The following TXLNB variants were observed in gnomAD, a reference collection of about 807,000 sequenced individuals.
TXLNB encodes beta-taxilin.
Under a neutral mutation model 57.4 loss-of-function variants are expected in TXLNB, and 37 were observed. The ratio of observed to expected loss-of-function variants is 0.64; its 90% CI spans 0.50 to 0.85. The LOEUF is 0.85. TXLNB is among the 40% of genes least tolerant of loss of function. The pLI is 0.00. For missense variants in TXLNB, 848 were observed against 825.6 expected, an observed-to-expected ratio of 1.03 and a Z score of -0.33; for synonymous variants, 302 against 309.6, an observed-to-expected ratio of 0.98 and a Z score of 0.26.
At chr6:139,221,605 G>T in the TXLNB span, among the ~76,000 whole-genome samples, 1 of 152,020 alleles carries the variant, frequency 6.6e-6, no homozygotes, top group African/African-American at 2.4e-5. Context: ...ATGATCGGAC[G>T]TGGAGTTTAA....
At chr6:139,177,197 T>G in the TXLNB span, 2 of 655,364 alleles carry the variant, frequency 3.1e-6, no homozygotes, top group Admixed American at 2.7e-5. The surrounding 1 kb of genome is among the most constrained non-coding windows in gnomAD (Gnocchi z 4.9). Context: ...ATTAATTTCC[T>G]TTCTAATTTA....
the TXLNB span, among the ~76,000 whole-genome samples, chr6:139,188,638 A>G: frequency 6.6e-6 from 1 of 152,190 alleles, no homozygotes; most frequent in Non-Finnish European, 1.5e-5. Flanking sequence ...AACGTCTCTC[A>G]TTTACATTTT....
chr6:139,244,613 C>T lies in TXLNB; in HGVS notation c.1248G>A (p.Leu416=). The part of the protein sequence containing the change: ...KARFENCNKA[L]LDMIEEKALR... ...TCCTCACCTCTTCAATCATGTCCAA[C>T]AGAGCTTTGTTACAGTTCTCAAATC... Residue 416 remains leucine (L), a synonymous_variant, in exon 9 of 10, where the codon CTG becomes CTA. Coordinates refer to ENST00000358430, the MANE Select transcript of TXLNB (RefSeq NM_153235.4). 2 of 1,613,538 alleles carry T rather than the reference C, an allele frequency of 1.2e-6. No individual in the cohort carries two copies. The highest frequency in any genetic ancestry group is 1.7e-6 in the Non-Finnish European group (2 of 1,179,442).
the TXLNB span, among the ~76,000 whole-genome samples, chr6:139,170,768 A>C: frequency 6.6e-6 from 1 of 152,278 alleles, no homozygotes; most frequent in East Asian, 1.9e-4. Flanking sequence ...GTGAATGGAA[A>C]GATTTTCAGT....
the TXLNB span, among the ~76,000 whole-genome samples, chr6:139,215,228 T>C: frequency 1.3e-5 from 2 of 148,624 alleles, no homozygotes; most frequent in Non-Finnish European, 3.0e-5. Context: ...CTTCAAACTA[T>C]ACGACAAGGC....
the TXLNB span, among the ~76,000 whole-genome samples, chr6:139,220,772 G>A: frequency 1.4e-4 from 22 of 152,134 alleles, no homozygotes; most frequent in Non-Finnish European, 2.8e-4. Flanking sequence ...TAATGATAAA[G>A]GTCAAAATCT....
At chr6:139,318,008 C>T in the TXLNB span, among the ~76,000 whole-genome samples, 5 of 151,912 alleles carry the variant, frequency 3.3e-5, no homozygotes, top group Admixed American at 1.3e-4. Context: ...CGGTGGCTCA[C>T]GCCTGTAATC....
chr6:139,286,963 C>G (rs1777191228), intron 2 of TXLNB: 1 of 152,952 alleles, frequency 6.5e-6, no homozygotes, highest in Admixed American at 6.5e-5. Context: ...ATAAGGTGCA[C>G]AATAAATGTA....
At chr6:139,200,210 A>C in the TXLNB span, 21 of 152,284 alleles carry the variant, frequency 1.4e-4, no homozygotes, top group Admixed American at 1.1e-3. Context: ...ACTTGCGGCC[A>C]GATCTGCATT....
intron 7 of TXLNB, among the ~76,000 whole-genome samples, chr6:139,249,488 A>T (rs929925355): frequency 6.6e-6 from 1 of 152,230 alleles, no homozygotes; most frequent in Non-Finnish European, 1.5e-5. Flanking sequence ...TGCACTGGAT[A>T]GACCAGGAAG....
At chr6:139,299,082 A>G in the TXLNB span, among the ~76,000 whole-genome samples, 1 of 152,216 alleles carries the variant, frequency 6.6e-6, no homozygotes, top group East Asian at 1.9e-4. Flanking sequence ...CTTTAAATAA[A>G]CAACCCAGCC....
At chr6:139,171,477 T>C in the TXLNB span, among the ~76,000 whole-genome samples, 11 of 152,368 alleles carry the variant, frequency 7.2e-5, no homozygotes, top group South Asian at 2.1e-4. Context: ...AGAGAAGTTA[T>C]CATTGCCACA....
chr6:139,159,462 TA>T, the TXLNB span, among the ~76,000 whole-genome samples: 15 of 149,648 alleles, frequency 1.0e-4, no homozygotes, highest in East Asian at 3.9e-4. Flanking sequence ...TTTCCTCCTT[TA>T]AAAAAAAAAT....
At chr6:139,167,838 G>C in the TXLNB span, among the ~76,000 whole-genome samples, 1 of 152,146 alleles carries the variant, frequency 6.6e-6, no homozygotes, top group Non-Finnish European at 1.5e-5. Context: ...TTAGCCCGGT[G>C]GTGGTGGTGG....
the TXLNB span, among the ~76,000 whole-genome samples, chr6:139,212,147 G>A: frequency 6.6e-6 from 1 of 151,456 alleles, no homozygotes; most frequent in Admixed American, 6.6e-5. Flanking sequence ...GATACTCCTC[G>A]AGAAGAGCAA....
chr6:139,252,624 A>G (rs1482155214), intron 7 of TXLNB, among the ~76,000 whole-genome samples: 1 of 152,176 alleles, frequency 6.6e-6, no homozygotes. Context: ...GAAGTTCTCT[A>G]TGCTCATGAA....
the TXLNB span, among the ~76,000 whole-genome samples, chr6:139,185,613 A>T: frequency 3.3e-5 from 5 of 152,100 alleles, no homozygotes; most frequent in South Asian, 1.0e-3. Context: ...AGGCAGGAGA[A>T]TGGCGTGAAC....
chr6:139,311,873 G>T, the TXLNB span, among the ~76,000 whole-genome samples: 1 of 152,218 alleles, frequency 6.6e-6, no homozygotes, highest in South Asian at 2.1e-4. Context: ...GGCTAGGATG[G>T]CCAGGTTCTT....
chr6:139,184,004 A>G, the TXLNB span, among the ~76,000 whole-genome samples: 1 of 152,330 alleles, frequency 6.6e-6, no homozygotes, highest in Admixed American at 6.5e-5. Flanking sequence ...GTCTGCTAAT[A>G]CTGCACTGTC....
Sources: allele counts gnomAD v4.1 joint callset (sites outside exome capture counted in the v4.1 genomes callset), GRCh38; gene constraint gnomAD v4.1.1; non-coding constraint Gnocchi (gnomAD v3.1); transcripts MANE v1.5; gene names NCBI Gene and HGNC (gene_info 2026-07-23, HGNC 2026-07-21).